Variants in CATSPERT observed in about 807,000 individuals in gnomAD.
CATSPERT encodes the protein cation channel sperm-associated targeting subunit tau.
At chr2:201,504,079 T>C in the CATSPERT span, among the ~76,000 whole-genome samples, 1 of 152,212 alleles carries the variant, frequency 6.6e-6, no homozygotes, top group Non-Finnish European at 1.5e-5. Flanking sequence ...ATTTTCTGCT[T>C]AGATCAGTAT....
the CATSPERT span, among the ~76,000 whole-genome samples, chr2:201,544,356 T>A: frequency 6.6e-6 from 1 of 152,346 alleles, no homozygotes; most frequent in Admixed American, 6.5e-5. Context: ...TGATTTATAA[T>A]CCTTTGGGTA....
chr2:201,549,720 G>A, the CATSPERT span: 18 of 151,954 alleles, frequency 1.2e-4, no homozygotes, highest in East Asian at 1.9e-4. Context: ...TGTAATAATC[G>A]TTTTCTTAAT....
chr2:201,576,995 A>C, the CATSPERT span, among the ~76,000 whole-genome samples: 1 of 152,290 alleles, frequency 6.6e-6, no homozygotes, highest in South Asian at 2.1e-4. Flanking sequence ...GTAGGTCCAC[A>C]ATTTTCCAGA....
chr2:201,598,435 A>G, the CATSPERT span, among the ~76,000 whole-genome samples: 1 of 152,120 alleles, frequency 6.6e-6, no homozygotes, highest in Non-Finnish European at 1.5e-5. Flanking sequence ...TTAAGAAAAA[A>G]AAAAAGCTTC....
At chr2:201,535,358 T>C in the CATSPERT span, 2 of 980,226 alleles carry the variant, frequency 2.0e-6, no homozygotes, top group Non-Finnish European at 1.2e-6. Context: ...TAATAGTTAT[T>C]CCAATAAGAT....
the CATSPERT span, among the ~76,000 whole-genome samples, chr2:201,522,221 T>C: frequency 1.1e-4 from 16 of 152,230 alleles, no homozygotes; most frequent in African/African-American, 3.9e-4. Flanking sequence ...CGTCAAATTA[T>C]CCCTGTTTGC....
At chr2:201,562,518 AT>A in the CATSPERT span, among the ~76,000 whole-genome samples, 3 of 111,890 alleles carry the variant, frequency 2.7e-5, no homozygotes, top group African/African-American at 9.3e-5. Context: ...TTATTTATTT[AT>A]TTATTTATTT....
At chr2:201,567,360 A>T in the CATSPERT span, among the ~76,000 whole-genome samples, 4 of 152,226 alleles carry the variant, frequency 2.6e-5, no homozygotes, top group African/African-American at 9.6e-5. Flanking sequence ...AGGGTTGTCC[A>T]TAAAAAGAGA....
At chr2:201,539,160 A>G in the CATSPERT span, among the ~76,000 whole-genome samples, 6 of 152,108 alleles carry the variant, frequency 3.9e-5, no homozygotes, top group Admixed American at 6.6e-5. Flanking sequence ...AGAATGATTT[A>G]TATTCCTTTG....
At chr2:201,506,958 A>G in the CATSPERT span, among the ~76,000 whole-genome samples, 2 of 152,254 alleles carry the variant, frequency 1.3e-5, no homozygotes, top group African/African-American at 4.8e-5. Flanking sequence ...TTGAGACACT[A>G]ATAGAATATT....
the CATSPERT span, among the ~76,000 whole-genome samples, chr2:201,600,120 T>C: frequency 6.6e-6 from 1 of 151,898 alleles, no homozygotes; most frequent in Admixed American, 6.6e-5. Flanking sequence ...CATGCTACTA[T>C]AAAGACACAT....
the CATSPERT span, among the ~76,000 whole-genome samples, chr2:201,561,102 C>T: frequency 6.6e-6 from 1 of 152,156 alleles, no homozygotes; most frequent in Non-Finnish European, 1.5e-5. Context: ...TTCAATTACA[C>T]TCTTCCCAGA....
the CATSPERT span, among the ~76,000 whole-genome samples, chr2:201,525,271 G>GTA: frequency 6.6e-6 from 1 of 152,136 alleles, no homozygotes; most frequent in Non-Finnish European, 1.5e-5. Flanking sequence ...TGGGACCATA[G>GTA]TACAACAAAA....
chr2:201,573,685 C>A, the CATSPERT span, among the ~76,000 whole-genome samples: 40 of 152,202 alleles, frequency 2.6e-4, no homozygotes, highest in East Asian at 7.3e-3. Context: ...GAGACAGAGT[C>A]TCAGTCTATC....
At chr2:201,616,257 C>A in the CATSPERT span, among the ~76,000 whole-genome samples, 124 of 152,192 alleles carry the variant, frequency 8.1e-4, no homozygotes, top group Middle Eastern at 3.4e-3. Flanking sequence ...ACAACAAAAA[C>A]AGAGAATTTT....
At chr2:201,558,265 GTAT>G in the CATSPERT span, 2 of 152,188 alleles carry the variant, frequency 1.3e-5, no homozygotes, top group Admixed American at 1.3e-4. Context: ...AACTGTCTTA[GTAT>G]TATCTCCCAC....
At chr2:201,561,482 T>C in the CATSPERT span, among the ~76,000 whole-genome samples, 4 of 152,338 alleles carry the variant, frequency 2.6e-5, no homozygotes, top group South Asian at 6.2e-4. Context: ...TTATCCATAA[T>C]GTTTTAGGTT....
the CATSPERT span, among the ~76,000 whole-genome samples, chr2:201,544,994 C>T: frequency 1.8e-5 from 2 of 113,866 alleles, no homozygotes; most frequent in South Asian, 3.2e-4. Flanking sequence ...TAGACCCTGT[C>T]TCAGATAATA....
At chr2:201,567,134 C>T in the CATSPERT span, among the ~76,000 whole-genome samples, 342 of 152,298 alleles carry the variant, frequency 2.2e-3, 1 homozygote, top group Non-Finnish European at 1.9e-3. Context: ...TCACGATTTT[C>T]CCCTTCTCCA....
Sources: allele counts gnomAD v4.1 joint callset (sites outside exome capture counted in the v4.1 genomes callset), GRCh38; gene constraint gnomAD v4.1.1; transcripts MANE v1.5; gene names NCBI Gene and HGNC (gene_info 2026-07-23, HGNC 2026-07-21).